The following POLD1 variants were observed in gnomAD, a reference collection of about 807,000 sequenced individuals.
The protein encoded by POLD1 is DNA polymerase delta 1, catalytic subunit.
In POLD1, 79 loss-of-function variants were observed where a neutral mutation model predicts 129.7. That is an observed-to-expected ratio of 0.61 (90% confidence interval 0.51 to 0.73). POLD1 has a LOEUF of 0.73. POLD1 is among the 30% of genes least tolerant of loss of function. The pLI, the probability that POLD1 is intolerant of heterozygous loss-of-function variation, is 0.00. For synonymous variants in POLD1, 714 were observed against 683.3 expected (o/e 1.04, Z -0.70); for missense variants, 1,338 against 1,595.8 (o/e 0.84, Z 2.75).
At chr19:50,396,367 C>T (rs1234801997) in intron 1 of POLD1, among the ~76,000 whole-genome samples, 2 of 151,478 alleles carry the variant, frequency 1.3e-5, no homozygotes, top group African/African-American at 2.4e-5. Flanking sequence ...GGGATTACAG[C>T]GTGGGCCACC....
intron 1 of POLD1, chr19:50,394,010 A>T (rs1326609982): frequency 6.6e-6 from 1 of 152,276 alleles, no homozygotes; most frequent in Non-Finnish European, 1.5e-5. Context: ...CCCAAAACAC[A>T]GTGGCCCAAG....
intron 1 of POLD1, among the ~76,000 whole-genome samples, chr19:50,397,483 C>T (rs532625532): frequency 6.6e-6 from 1 of 150,998 alleles, no homozygotes; most frequent in South Asian, 2.1e-4. Context: ...CGGCTCACTG[C>T]AACCTCCGCC....
At chr19:50,385,399 GC>G (rs1173154334) in intron 1 of POLD1, among the ~76,000 whole-genome samples, 1 of 152,126 alleles carries the variant, frequency 6.6e-6, no homozygotes, top group Non-Finnish European at 1.5e-5. Flanking sequence ...TGGGGTTGCC[GC>G]TCTGAAGGCA....
In POLD1 at chr19:50,415,823, G is replaced by A. The variant is rs1028419423; in HGVS notation, c.2817G>A (p.Ser939=). The A allele has an allele frequency of 2.0e-6, 3 of 1,517,272 alleles. No homozygotes were observed. Among genetic ancestry groups the A allele is most frequent in the Non-Finnish European group, 1.8e-6 (2 of 1,130,792 alleles). The allele number at this position is 1,517,272 out of a possible 1,614,324, so 94.0% of individuals were successfully genotyped here. ...AAKGVAAYMK[S]EDPLFVLEHS... ...AGGGTGTGGCCGCCTACATGAAGTC[G>A]GAGGTCAGGCCCACCTGGCTGCCTG... The change falls in exon 22 of 27, where the codon TCG becomes TCA. Residue 939 remains serine, a synonymous_variant. Transcript: ENST00000440232.
chr19:50,406,904 C>T lies in POLD1; in HGVS notation c.1495-79C>T. 8.0e-7 allele frequency: 1 copy of T among 1,247,500 alleles called. No homozygotes were observed. The allele number at this position is 1,247,500 out of a possible 1,614,324, so 77.3% of individuals were successfully genotyped here. On this transcript the variant is annotated intron_variant, in intron 12 of 26. Transcript: ENST00000440232. The surrounding 1 kb of genome is among the most constrained non-coding windows in gnomAD (Gnocchi z 5.5). Reference sequence around the variant, plus strand: ...CCAGGCCCTCCCCAGGCTACCTCACCCTGACCCCCACTTCCTTCTCCTGCT... The same window carrying T: ...CCAGGCCCTCCCCAGGCTACCTCACTCTGACCCCCACTTCCTTCTCCTGCT...
rs558406813 is a variant in POLD1, at chr19:50,391,035, C to T, written c.-2+6645C>T. On this transcript the variant is annotated intron_variant, in intron 1 of 26. Coordinates refer to ENST00000440232, the MANE Select transcript of POLD1 (RefSeq NM_002691.4). ...CTTTCCCATTTCCCCCTTTTCTATT[C>T]GACAAAACCGCCATCGTCATCATGG... Among the ~76,000 whole-genome samples, 27 of 152,058 alleles carry T rather than the reference C, an allele frequency of 1.8e-4. No individual in the cohort carries two copies. The East Asian group carries it at 4.2e-3, about 24-fold the overall frequency.
At chr19:50,398,767 A>T in intron 1 of POLD1, 84 bp from the exon 2 acceptor site, 1 of 1,537,576 alleles carries the variant, frequency 6.5e-7, no homozygotes, top group Non-Finnish European at 8.7e-7. Context: ...GCTCGTGGTC[A>T]TGGTGGGTGC....
intron 1 of POLD1, among the ~76,000 whole-genome samples, chr19:50,395,426 AC>A (rs2038320655): frequency 6.6e-6 from 1 of 151,986 alleles, no homozygotes; most frequent in African/African-American, 2.4e-5. Context: ...TACTAAAAAT[AC>A]AAAAAAATTA....
At chr19:50,402,579 C>G (rs1374061169) in intron 7 of POLD1, 33 bp from the exon 8 acceptor site, 1 of 1,572,018 alleles carries the variant, frequency 6.4e-7, no homozygotes. Flanking sequence ...AGCTGGTACC[C>G]TGCTGCCACC....
At chr19:50,395,224 GGGCGC>G (rs2038310271) in intron 1 of POLD1, 1 of 122,740 alleles carries the variant, frequency 8.1e-6, no homozygotes, top group African/African-American at 4.0e-5. Context: ...AGTGTAGGCC[GGGCGC>G]GGTGGCTGGG....
intron 8 of POLD1, 148 bp downstream of exon 8, chr19:50,402,889 G>A: frequency 1.5e-6 from 2 of 1,350,594 alleles, no homozygotes; most frequent in Non-Finnish European, 2.0e-6. Context: ...TGAGCACAGA[G>A]GGTGTGGAGA....
Position 50,402,090 on chromosome 19 carries a change from G to A in POLD1, c.555G>A (p.Pro185=), listed in dbSNP as rs543351285. Residue 185 remains proline, a synonymous_variant, in exon 5 of 27, where the codon CCG becomes CCA. Coordinates refer to ENST00000440232, the MANE Select transcript of POLD1 (RefSeq NM_002691.4). ...GCGGGGGGAGGGAGCTGACTGGGCC[G>A]GCCGTGCTGGCTGTGGAACTGTGCT... ...DSRGGRELTG[P]AVLAVELCSR... is the part of the protein sequence containing the mutation. The A allele has an allele frequency of 3.0e-5, 48 of 1,613,786 alleles. No individual in the cohort carries two copies. The highest frequency in any genetic ancestry group is 2.0e-4 in the South Asian group (18 of 91,056).
intron 3 of POLD1, 25 bp downstream of exon 3, chr19:50,399,509 T>C (rs1324427631): frequency 3.3e-6 from 5 of 1,523,226 alleles, no homozygotes; most frequent in Non-Finnish European, 4.6e-6. Flanking sequence ...TATGGGTGAG[T>C]GCTGGGGCCC....
At chr19:50,391,434 G>A (rs1203708128) in intron 1 of POLD1, among the ~76,000 whole-genome samples, 2 of 152,202 alleles carry the variant, frequency 1.3e-5, no homozygotes, top group East Asian at 1.9e-4. Flanking sequence ...GCGAGACTCC[G>A]TCTGCAATCC....
At chr19:50,390,913 C>T (rs2038136182) in intron 1 of POLD1, among the ~76,000 whole-genome samples, 2 of 152,188 alleles carry the variant, frequency 1.3e-5, no homozygotes, top group African/African-American at 4.8e-5. Flanking sequence ...AGATTAACAG[C>T]ATCCCAAGGC....
In POLD1 at chr19:50,392,182, C is replaced by T. The variant is rs139067880; in HGVS notation, c.-1-6669C>T. Among the ~76,000 whole-genome samples the T allele has an allele frequency of 8.0e-3, 1,212 of 151,342 alleles. 19 individuals carry two copies. The highest frequency in any genetic ancestry group is 0.028 in the African/African-American group (1,163 of 41,230). On this transcript the variant is annotated intron_variant, in intron 1 of 26. Transcript: ENST00000440232. ...ACCTCCCAGGTTCAAGTGATCCTCCCACCTCAGTCTCCCAAGTAGCTGGGA... is the reference window on the plus strand; with the variant it reads ...ACCTCCCAGGTTCAAGTGATCCTCCTACCTCAGTCTCCCAAGTAGCTGGGA...
chr19:50,413,901 T>TGCATTTAGGTGCC, intron 19 of POLD1, 22 bp downstream of exon 19: 1 of 1,569,904 alleles, frequency 6.4e-7, no homozygotes, highest in African/African-American at 1.4e-5. Context: ...GGTCAGGGGC[T>TGCATTTAGGTGCC]CTGCATTTAG....
At chr19:50,408,371 A>G (rs2038974207) in intron 14 of POLD1, among the ~76,000 whole-genome samples, 1 of 151,712 alleles carries the variant, frequency 6.6e-6, no homozygotes, top group Non-Finnish European at 1.5e-5. Context: ...TAGATTAATT[A>G]TATATATTAT....
chr19:50,385,822 C>T (rs2037951175), intron 1 of POLD1, among the ~76,000 whole-genome samples: 1 of 152,090 alleles, frequency 6.6e-6, no homozygotes, highest in Admixed American at 6.6e-5. Flanking sequence ...AGCCACCACG[C>T]ACGGCCGCTT....
Sources: allele counts gnomAD v4.1 joint callset (sites outside exome capture counted in the v4.1 genomes callset), GRCh38; gene constraint gnomAD v4.1.1; non-coding constraint Gnocchi (gnomAD v3.1); transcripts MANE v1.5; gene names NCBI Gene and HGNC (gene_info 2026-07-23, HGNC 2026-07-21).